LIPG: variants seen among roughly 807,000 people sequenced by gnomAD.
The protein encoded by LIPG is endothelial lipase.
A neutral mutation model predicts 51.8 loss-of-function variants in LIPG; 34 were observed. That is an observed-to-expected ratio of 0.66 (90% confidence interval 0.50 to 0.87). The LOEUF (loss-of-function observed/expected upper bound fraction) is 0.87, where lower values mean the gene tolerates loss of function less well. Among genes scored for constraint, LIPG ranks in the 40% least tolerant of loss-of-function variants. The probability of loss-of-function intolerance (pLI) is 0.00; values close to 1 mark genes in which losing one functional copy is unlikely to be tolerated. For synonymous variants in LIPG, 246 were observed against 246.1 expected, an observed-to-expected ratio of 1.00 and a Z score of 0.00; for missense variants, 580 against 652.7, an observed-to-expected ratio of 0.89 and a Z score of 1.21.
chr18:49,562,233 G>A lies in LIPG; in HGVS notation c.-76G>A, dbSNP rs1357717708. 1.9e-6 allele frequency: 3 copies of A among 1,609,804 alleles called. No individual in the cohort carries two copies. In the African/African-American group the frequency reaches 4.0e-5, roughly 22 times the overall value. On this transcript the variant is annotated 5_prime_UTR_variant, in exon 1 of 10. Transcript: ENST00000261292. Reference sequence around the variant, plus strand: ...CCGAGAGAAGGGTCTTACCGGCCGGGATTGCTGGAAACACCAAGAGGTGGT... The same window carrying A: ...CCGAGAGAAGGGTCTTACCGGCCGGAATTGCTGGAAACACCAAGAGGTGGT...
chr18:49,576,272 A>G lies in LIPG; in HGVS notation c.793+682A>G, dbSNP rs112170459. Among the ~76,000 whole-genome samples, 1,118 of 152,180 alleles carry G rather than the reference A, an allele frequency of 7.3e-3. 12 individuals carry two copies. The highest frequency in any genetic ancestry group is 0.026 in the African/African-American group (1,065 of 41,526). On this transcript the variant is annotated intron_variant, in intron 5 of 9. Transcript: ENST00000261292. Reference sequence around the variant, plus strand: ...CACTCTTCAGATGTAGCCAGTATGAATGCTTTTGTGTGTATCCTTCTAGTC... The same window carrying G: ...CACTCTTCAGATGTAGCCAGTATGAGTGCTTTTGTGTGTATCCTTCTAGTC...
rs757992227 is a variant in LIPG at position 49,581,410 on chromosome 18, C to A, written c.794-5C>A. 1.9e-6 allele frequency: 3 copies of A among 1,614,160 alleles called. No individual in the cohort carries two copies. The highest frequency in any genetic ancestry group is 2.5e-6 in the Non-Finnish European group (3 of 1,180,038). ...CTGCATGCTTTTTATCTCTCCCACC[C>A]CCAGCAATCACAGAGGTGGTAAAAT... On this transcript the variant is annotated splice_region_variant and splice_polypyrimidine_tract_variant and intron_variant, in intron 5 of 9. Coordinates refer to ENST00000261292, the MANE Select transcript of LIPG (RefSeq NM_006033.4).
intron 3 of LIPG, among the ~76,000 whole-genome samples, chr18:49,568,869 C>G (rs2084634223): frequency 6.6e-6 from 1 of 152,084 alleles, no homozygotes; most frequent in Non-Finnish European, 1.5e-5. Context: ...CCTCTGTCCT[C>G]TACCTAAGCT....
At chr18:49,589,454 C>G (rs1442621522) in intron 9 of LIPG, 1 of 152,356 alleles carries the variant, frequency 6.6e-6, no homozygotes, top group South Asian at 2.1e-4. Context: ...GGAAAGATGA[C>G]TAAGGAAGGC....
chr18:49,561,793 G>A, upstream of LIPG: 1 of 1,254,758 alleles, frequency 8.0e-7, no homozygotes, highest in Non-Finnish European at 1.0e-6. Flanking sequence ...CTGGGTGTCC[G>A]GAGGAGGGCA....
intron 7 of LIPG, among the ~76,000 whole-genome samples, chr18:49,583,131 G>T (rs374491322): frequency 1.3e-5 from 2 of 152,150 alleles, no homozygotes; most frequent in Non-Finnish European, 2.9e-5. Context: ...TGAGGTCTGT[G>T]GGGGGAGCTG....
At chr18:49,580,386 G>T (rs528667933) in intron 5 of LIPG, among the ~76,000 whole-genome samples, 1 of 152,182 alleles carries the variant, frequency 6.6e-6, no homozygotes, top group African/African-American at 2.4e-5. Flanking sequence ...TTTGTGGGCC[G>T]TATTGCCTCT....
chr18:49,590,388 T>A, intron 9 of LIPG, 113 bp from the exon 10 acceptor site: 1 of 1,082,946 alleles, frequency 9.2e-7, no homozygotes. Context: ...AATAGTCCCA[T>A]AGGGGTGTCA....
chr18:49,583,717 C>G lies in LIPG; in HGVS notation c.1319C>G (p.Pro440Arg), dbSNP rs2084851273. The part of the protein sequence containing the change: ...FRSYLSQPRN[P>R]GRELNIRRIR... The stretch of plus-strand genomic sequence containing the variant: ...AGCTACCTGTCTCAACCCCGCAACC[C>G]CGGACGGGAGCTGAATATCAGGCGC... Residue 440 changes from proline to arginine, a missense_variant, in exon 8 of 10, where the codon CCC becomes CGC. Coordinates refer to ENST00000261292, the MANE Select transcript of LIPG (RefSeq NM_006033.4). 6.2e-7 allele frequency: 1 copy of G among 1,614,092 alleles called. No individual in the cohort carries two copies. The highest frequency in any genetic ancestry group is 8.5e-7 in the Non-Finnish European group (1 of 1,180,032).
intron 1 of LIPG, among the ~76,000 whole-genome samples, chr18:49,562,873 C>T (rs2084566109): frequency 6.6e-6 from 1 of 152,216 alleles, no homozygotes; most frequent in East Asian, 1.9e-4. Flanking sequence ...TTGATTCGTG[C>T]TTGCAGGGAG....
rs1267223639 is a variant in LIPG at position 49,597,198 on chromosome 18, C to T, written c.*6676C>T. The T allele has an allele frequency of 6.6e-6, 1 of 152,226 alleles. No individual in the cohort carries two copies. Among genetic ancestry groups the T allele is most frequent in the Non-Finnish European group, 1.5e-5 (1 of 68,040 alleles). The allele number at this position is 152,226 out of a possible 1,614,324, so 9.4% of individuals were successfully genotyped here. ...AGTGGAGCAGGGCAGCCACCTTACA[C>T]ATAGGCTAGATCTGCTTGGGAATCT... is the stretch of plus-strand genomic sequence containing the variant. On this transcript the variant is annotated 3_prime_UTR_variant, in exon 10 of 10. Coordinates refer to ENST00000261292, the MANE Select transcript of LIPG (RefSeq NM_006033.4).
intron 4 of LIPG, among the ~76,000 whole-genome samples, chr18:49,571,045 C>T (rs1912488793): frequency 6.6e-6 from 1 of 152,182 alleles, no homozygotes; most frequent in African/African-American, 2.4e-5. Flanking sequence ...CCTGTTGATC[C>T]AATGACTTGA....
At chr18:49,569,793 T>G (rs1040844005) in intron 4 of LIPG, among the ~76,000 whole-genome samples, 4 of 151,064 alleles carry the variant, frequency 2.6e-5, no homozygotes, top group Non-Finnish European at 5.9e-5. Context: ...GTGGGGTGGG[T>G]ATATGGCGGC....
rs1405285218 is a variant in LIPG at position 49,592,989 on chromosome 18, G to T, written c.*2467G>T. 7.2e-6 allele frequency: 1 copy of T among 137,980 alleles called. No homozygotes were observed. Among genetic ancestry groups the T allele is most frequent in the East Asian group, 2.3e-4 (1 of 4,438 alleles). 8.5% of individuals were successfully genotyped at this position (137,980 alleles called of 1,614,324 possible). ...TCTCTGTCACCCAGGCTGGAGTGCA[G>T]TGGCAATCTTGGCTCACTACAACCT... is the stretch of plus-strand genomic sequence containing the variant. On this transcript the variant is annotated 3_prime_UTR_variant, in exon 10 of 10. Transcript: ENST00000261292.
intron 3 of LIPG, among the ~76,000 whole-genome samples, chr18:49,568,566 A>G (rs1339585989): frequency 1.3e-5 from 2 of 151,530 alleles, no homozygotes; most frequent in East Asian, 3.9e-4. Flanking sequence ...TTTTTAGTAG[A>G]GATGGGGTTT....
intron 5 of LIPG, among the ~76,000 whole-genome samples, chr18:49,576,132 C>A: frequency 6.6e-6 from 1 of 151,962 alleles, no homozygotes; most frequent in Admixed American, 6.6e-5. Flanking sequence ...GCCACCGCAC[C>A]CGGCTGATTA....
At chr18:49,590,325 G>C (rs1041910311) in intron 9 of LIPG, 176 bp from the exon 10 acceptor site, 1 of 729,246 alleles carries the variant, frequency 1.4e-6, no homozygotes, top group African/African-American at 1.7e-5. Context: ...AGGTTAGGGA[G>C]AGAAGGCAGC....
chr18:49,570,998 G>GTGCGTGCACACACATGAGCA (rs2084656053), intron 4 of LIPG, among the ~76,000 whole-genome samples: 1 of 152,194 alleles, frequency 6.6e-6, no homozygotes, highest in African/African-American at 2.4e-5. Flanking sequence ...AGTCTAGTAT[G>GTGCGTGCACACACATGAGCA]TGCGTGCACA....
rs1293900385 is a variant in LIPG, at chr18:49,596,655, A to AAAAG, written c.*6134_*6137dup. The AAAAG allele has an allele frequency of 6.6e-6, 1 of 150,854 alleles. No individual in the cohort carries two copies. The highest frequency in any genetic ancestry group is 2.5e-5 in the African/African-American group (1 of 40,664). 9.3% of individuals were successfully genotyped at this position (150,854 alleles called of 1,614,324 possible). On this transcript the variant is annotated 3_prime_UTR_variant, in exon 10 of 10. Transcript: ENST00000261292. ...TATCTCAAAAAAAAAAAAAAAAAAAAAAAGGCCACAGAAATGTCCATCCAG... is the reference window on the plus strand; with the variant it reads ...TATCTCAAAAAAAAAAAAAAAAAAAAAAAGAAAGGCCACAGAAATGTCCATCCAG...
Sources: allele counts gnomAD v4.1 joint callset (sites outside exome capture counted in the v4.1 genomes callset), GRCh38; gene constraint gnomAD v4.1.1; transcripts MANE v1.5; gene names NCBI Gene and HGNC (gene_info 2026-07-23, HGNC 2026-07-21).